Variants in HSPG2 observed in about 807,000 individuals in gnomAD.
The protein encoded by HSPG2 is basement membrane-specific heparan sulfate proteoglycan core protein.
A neutral mutation model predicts 526.6 loss-of-function variants in HSPG2; 278 were observed. The ratio of observed to expected loss-of-function variants is 0.53; its 90% CI spans 0.48 to 0.58. The LOEUF is 0.58. Among genes scored for constraint, HSPG2 ranks in the 20% least tolerant of loss-of-function variants. The pLI is 0.00. For missense variants in HSPG2, 5,354 were observed against 6,099.5 expected (o/e 0.88, Z 4.07); for synonymous variants, 2,465 against 2,555.4 (o/e 0.96, Z 1.07).
chr1:21,835,709 C>A, intron 75 of HSPG2, 72 bp from the exon 76 acceptor site: 1 of 1,176,350 alleles, frequency 8.5e-7, no homozygotes, highest in Non-Finnish European at 1.2e-6. Context: ...TTGGGCTGGG[C>A]GTGGTGGCTC....
intron 53 of HSPG2, 79 bp from the exon 54 acceptor site, chr1:21,852,005 G>C: frequency 1.2e-6 from 2 of 1,610,920 alleles, no homozygotes; most frequent in Non-Finnish European, 1.7e-6. Context: ...CCCGATCTAG[G>C]AAGTGCCAGC....
Position 21,843,392 on chromosome 1 carries a change from G to A in HSPG2, c.8663C>T (p.Ser2888Phe). The change falls in exon 66 of 97, where the codon TCT (serine) becomes TTT (phenylalanine). Residue 2888 changes from serine to phenylalanine, a missense_variant. Transcript: ENST00000374695. ...LRLNQVSPAD[S>F]GEYSCQVTGS... ...GGTCACTTGGCACGAGTACTCGCCAGAGTCAGCCGGGGACACCTGGTTCAG... is the reference window on the plus strand; with the variant it reads ...GGTCACTTGGCACGAGTACTCGCCAAAGTCAGCCGGGGACACCTGGTTCAG... 1 of 1,614,014 alleles carries A rather than the reference G, an allele frequency of 6.2e-7. No individual in the cohort carries two copies. Among genetic ancestry groups the A allele is most frequent in the South Asian group, 1.1e-5 (1 of 91,040 alleles).
At chr1:21,863,609 C>T (rs775224092) in intron 37 of HSPG2, among the ~76,000 whole-genome samples, 2 of 147,312 alleles carry the variant, frequency 1.4e-5, no homozygotes, top group Non-Finnish European at 3.0e-5. Flanking sequence ...AGGCCAGGCA[C>T]AGTGGCTCAT....
intron 80 of HSPG2, chr1:21,832,876 C>G (rs1572160877): frequency 1.7e-6 from 1 of 578,144 alleles, no homozygotes; most frequent in Middle Eastern, 4.7e-4. Flanking sequence ...GAGACTCACC[C>G]GAGTAGAGAA....
intron 77 of HSPG2, among the ~76,000 whole-genome samples, 165 bp downstream of exon 77, chr1:21,834,514 C>T (rs1273964272): frequency 6.6e-6 from 1 of 152,138 alleles, no homozygotes; most frequent in African/African-American, 2.4e-5. Flanking sequence ...CACTTTTATC[C>T]CCTGCTGCTG....
chr1:21,835,909 G>A (rs749476397), intron 75 of HSPG2, among the ~76,000 whole-genome samples: 17 of 151,634 alleles, frequency 1.1e-4, no homozygotes, highest in Non-Finnish European at 1.8e-4. Flanking sequence ...GCTTGAACCC[G>A]GGAGGCGGAG....
In HSPG2 at chr1:21,872,387, GA is replaced by G. The variant is rs1400022011; in HGVS notation, c.4030-11del. On this transcript the variant is annotated splice_polypyrimidine_tract_variant and intron_variant, in intron 32 of 96. Coordinates refer to ENST00000374695, the MANE Select transcript of HSPG2 (RefSeq NM_005529.7). The surrounding 1 kb of genome is among the most constrained non-coding windows in gnomAD (Gnocchi z 5.5). ...CAAAGTGGGTGGAGATCTGGCAGGG[GA>G]AAAAGGAGGGGGCGTCAGCCTGAGC... 13 of 1,558,756 alleles carry G rather than the reference GA, an allele frequency of 8.3e-6. No homozygotes were observed. Among genetic ancestry groups the G allele is most frequent in the Admixed American group, 3.8e-5 (2 of 52,734 alleles).
At chr1:21,934,719 C>T (rs1245416667) in intron 1 of HSPG2, among the ~76,000 whole-genome samples, 4 of 151,854 alleles carry the variant, frequency 2.6e-5, no homozygotes, top group Non-Finnish European at 5.9e-5. Context: ...CCTCAGCCTC[C>T]GGAGTAGCTG....
intron 1 of HSPG2, among the ~76,000 whole-genome samples, chr1:21,934,630 C>G (rs577368690): frequency 1.3e-5 from 2 of 151,164 alleles, no homozygotes; most frequent in African/African-American, 4.9e-5. Context: ...GAGTCTTGCT[C>G]TGTCGCCCAG....
chr1:21,930,435 A>G (rs749588749), intron 1 of HSPG2, among the ~76,000 whole-genome samples: 5 of 152,228 alleles, frequency 3.3e-5, no homozygotes, highest in Non-Finnish European at 5.9e-5. Context: ...CGCAAGTGAC[A>G]TGAGAGGAAG....
intron 1 of HSPG2, among the ~76,000 whole-genome samples, chr1:21,919,046 G>C (rs931639690): frequency 1.3e-5 from 2 of 152,214 alleles, no homozygotes; most frequent in Admixed American, 6.5e-5. Flanking sequence ...TTCCCCAAAG[G>C]CAGGCAGCAT....
Position 21,847,871 on chromosome 1 carries a change from C to A in HSPG2, c.7874-31G>T. ...GACAGACGGGTGTGGACCACGCAGCCAGAGTGAGATAACAGTGATGGCACC... is the reference window on the plus strand; with the variant it reads ...GACAGACGGGTGTGGACCACGCAGCAAGAGTGAGATAACAGTGATGGCACC... On this transcript the variant is annotated intron_variant, in intron 60 of 96. Coordinates refer to ENST00000374695, the MANE Select transcript of HSPG2 (RefSeq NM_005529.7). This position sits in a 1 kb window ranked among gnomAD's most constrained non-coding sequence, Gnocchi z 4.1. The A allele has an allele frequency of 1.2e-6, 2 of 1,613,836 alleles. No homozygotes were observed. The highest frequency in any genetic ancestry group is 2.2e-5 in the South Asian group (2 of 91,080).
intron 1 of HSPG2, among the ~76,000 whole-genome samples, chr1:21,928,520 A>C (rs1437958051): frequency 6.6e-6 from 1 of 152,240 alleles, no homozygotes; most frequent in Non-Finnish European, 1.5e-5. Context: ...AGCTCACTGC[A>C]ACCTCCGCTT....
Position 21,864,041 on chromosome 1 carries a change from G to A in HSPG2, c.4740+59C>T, listed in dbSNP as rs560382294. On this transcript the variant is annotated intron_variant, in intron 37 of 96. Coordinates refer to ENST00000374695, the MANE Select transcript of HSPG2 (RefSeq NM_005529.7). The surrounding 1 kb of genome is among the most constrained non-coding windows in gnomAD (Gnocchi z 4.8). The stretch of plus-strand genomic sequence containing the variant: ...ATTGATGCCTGCCTTGTCCAGCCCT[G>A]GTCCCCCACCCAGGCCCAGCTGAGC... 7.6e-7 allele frequency: 1 copy of A among 1,313,566 alleles called. No homozygotes were observed. 81.4% of individuals were successfully genotyped at this position (1,313,566 alleles called of 1,614,324 possible). A position where few individuals can be genotyped will look rare whatever the true frequency, so the allele number is the denominator to read the frequency against.
chr1:21,902,504 C>T (rs573570669), intron 1 of HSPG2, among the ~76,000 whole-genome samples: 1 of 152,310 alleles, frequency 6.6e-6, no homozygotes, highest in South Asian at 2.1e-4. Context: ...ATAAGGAAAC[C>T]AGGCTCAGAG....
rs774875675 is a variant in HSPG2, at chr1:21,851,914, G to A, written c.6883C>T (p.Arg2295Cys). 20 of 1,604,084 alleles carry A rather than the reference G, an allele frequency of 1.2e-5. No individual in the cohort carries two copies. The highest frequency in any genetic ancestry group is 1.2e-4 in the South Asian group (11 of 90,390). ...LPARHQVRGS[R>C]LYIFQASPAD... ...GGTGAGGCCTGGAAGATGTACAGGC[G>A]GGAGCCACGAACCTGGGCAGCCGTG... The change falls in exon 54 of 97, where the codon CGC (arginine) becomes TGC (cysteine). Residue 2295 changes from arginine (R) to cysteine (C), a missense_variant. Coordinates refer to ENST00000374695, the MANE Select transcript of HSPG2 (RefSeq NM_005529.7).
chr1:21,838,686 G>A, intron 74 of HSPG2, 139 bp downstream of exon 74: 1 of 880,730 alleles, frequency 1.1e-6, no homozygotes, highest in Non-Finnish European at 1.8e-6. Flanking sequence ...CCTGCCTCGG[G>A]CCCTGGAGAG....
At chr1:21,905,274 CACA>C (rs1203655979) in intron 1 of HSPG2, among the ~76,000 whole-genome samples, 2 of 151,922 alleles carry the variant, frequency 1.3e-5, no homozygotes, top group Non-Finnish European at 2.9e-5. Context: ...CACACACACA[CACA>C]CACGCCACGC....
Position 21,875,006 on chromosome 1 carries a change from G to C in HSPG2, c.3303-4C>G, listed in dbSNP as rs768817488. The C allele has an allele frequency of 6.3e-7, 1 of 1,587,314 alleles. No individual in the cohort carries two copies. The highest frequency in any genetic ancestry group is 1.1e-5 in the South Asian group (1 of 87,638). The stretch of plus-strand genomic sequence containing the variant: ...GTCCATGCTGATGCCAGAGACCCTG[G>C]GCGTGACAAGACCCAGCGTGAATAG... On this transcript the variant is annotated splice_region_variant and splice_polypyrimidine_tract_variant and intron_variant, in intron 25 of 96. Transcript: ENST00000374695.
Sources: gnomAD v4.1 joint callset for allele counts (sites outside exome capture counted in the v4.1 genomes callset) on GRCh38, gnomAD v4.1.1 for gene constraint, Gnocchi (gnomAD v3.1) non-coding constraint, MANE v1.5 for transcripts, NCBI Gene and HGNC (gene_info 2026-07-23, HGNC 2026-07-21) for gene names.